The following ANO3 variants were observed in gnomAD, a reference collection of about 807,000 sequenced individuals.
ANO3 encodes anoctamin-3.
A neutral mutation model predicts 144.8 loss-of-function variants in ANO3; 99 were observed. The ratio of observed to expected loss-of-function variants is 0.68; its 90% CI spans 0.58 to 0.81. The LOEUF (loss-of-function observed/expected upper bound fraction) is 0.81. ANO3 is among the 30% of genes least tolerant of loss of function. The pLI is 0.00. For synonymous variants in ANO3, 414 were observed against 392.6 expected (o/e 1.05, Z -0.64); for missense variants, 905 against 1,202.2 (o/e 0.75, Z 3.66).
At chr11:26,435,156 T>C (rs1451258858) in intron 1 of ANO3, among the ~76,000 whole-genome samples, 1 of 152,202 alleles carries the variant, frequency 6.6e-6, no homozygotes, top group African/African-American at 2.4e-5. Flanking sequence ...TTGAATTCTT[T>C]ACCATTATGT....
intron 18 of ANO3, among the ~76,000 whole-genome samples, chr11:26,629,992 A>AT (rs1852724806): frequency 6.6e-6 from 1 of 152,182 alleles, no homozygotes; most frequent in Non-Finnish European, 1.5e-5. Context: ...TAGTTTGTAG[A>AT]TTTTTACTTG....
At chr11:26,542,788 A>G (rs394787) in intron 11 of ANO3, among the ~76,000 whole-genome samples, 148,871 of 152,084 alleles carry the variant, frequency 0.98, 72,944 homozygotes, top group East Asian at 1. Flanking sequence ...TTTTATTTTT[A>G]GAGATCATGA....
upstream of ANO3, among the ~76,000 whole-genome samples, chr11:26,330,459 C>A (rs948771147): frequency 6.6e-6 from 1 of 152,132 alleles, no homozygotes; most frequent in Non-Finnish European, 1.5e-5. Flanking sequence ...TGCCTGCATA[C>A]TGAGCTCTTA....
intron 1 of ANO3, among the ~76,000 whole-genome samples, chr11:26,409,960 TAA>T (rs1857388316): frequency 6.6e-6 from 1 of 152,016 alleles, no homozygotes; most frequent in South Asian, 2.1e-4. Context: ...TACACGATTG[TAA>T]GCTGATTGGA....
intron 1 of ANO3, among the ~76,000 whole-genome samples, chr11:26,348,750 G>A (rs1564976628): frequency 6.6e-6 from 1 of 152,196 alleles, no homozygotes; most frequent in African/African-American, 2.4e-5. Flanking sequence ...AGGTACAAGG[G>A]TTGTGGTAAA....
chr11:26,642,500 C>A (rs1479373551), intron 22 of ANO3, among the ~76,000 whole-genome samples: 1 of 148,906 alleles, frequency 6.7e-6, no homozygotes, highest in Non-Finnish European at 1.5e-5. Flanking sequence ...TACAGGTGCA[C>A]ATGACCATGC....
At chr11:26,633,901 C>T (rs1852863686) in intron 18 of ANO3, among the ~76,000 whole-genome samples, 1 of 151,594 alleles carries the variant, frequency 6.6e-6, no homozygotes, top group Admixed American at 6.6e-5. Context: ...CATGGTGAAA[C>T]CCCCACTTCT....
intron 1 of ANO3, among the ~76,000 whole-genome samples, chr11:26,225,523 C>T (rs1353934420): frequency 6.6e-6 from 1 of 151,138 alleles, no homozygotes; most frequent in Non-Finnish European, 1.5e-5. Flanking sequence ...CATATGACAT[C>T]GATTTTGCAA....
intron 1 of ANO3, among the ~76,000 whole-genome samples, chr11:26,255,080 C>T (rs1853025340): frequency 6.6e-6 from 1 of 152,114 alleles, no homozygotes; most frequent in African/African-American, 2.4e-5. Context: ...TATTATGCTC[C>T]ATTAGGAAGT....
At chr11:26,632,979 C>T (rs910939427) in intron 18 of ANO3, among the ~76,000 whole-genome samples, 1 of 152,212 alleles carries the variant, frequency 6.6e-6, no homozygotes, top group Admixed American at 6.5e-5. Flanking sequence ...CTGAGGCACA[C>T]TTGCCAGTCA....
intron 14 of ANO3, among the ~76,000 whole-genome samples, chr11:26,583,899 T>G (rs1851203176): frequency 6.6e-6 from 1 of 152,184 alleles, no homozygotes; most frequent in African/African-American, 2.4e-5. Context: ...GCTTCAAGTC[T>G]TTAACTGTTC....
At chr11:26,543,475 A>T (rs1396611716) in intron 11 of ANO3, among the ~76,000 whole-genome samples, 5 of 150,554 alleles carry the variant, frequency 3.3e-5, no homozygotes, top group Admixed American at 3.3e-4. Flanking sequence ...TTTTTTAATT[A>T]TATTTTAAGT....
intron 14 of ANO3, among the ~76,000 whole-genome samples, chr11:26,589,396 C>T (rs886125223): frequency 1.3e-5 from 2 of 148,434 alleles, no homozygotes; most frequent in African/African-American, 4.9e-5. Flanking sequence ...GAGAAAAAAC[C>T]TCAGTACCCC....
intron 1 of ANO3, among the ~76,000 whole-genome samples, chr11:26,202,741 G>A (rs1219738567): frequency 1.3e-5 from 2 of 151,984 alleles, no homozygotes; most frequent in African/African-American, 4.8e-5. Context: ...AAAAAAATCA[G>A]TGTTTAATGC....
intron 1 of ANO3, among the ~76,000 whole-genome samples, chr11:26,373,282 G>T (rs1856313649): frequency 1.3e-5 from 2 of 152,264 alleles, no homozygotes; most frequent in South Asian, 4.1e-4. Context: ...GAGGTGAATG[G>T]ATCATGGGGA....
Position 26,656,421 on chromosome 11 carries a change from G to A in ANO3, c.2703G>A (p.Glu901=), listed in dbSNP as rs757448353. ...CGCCCTGGAGTTCCAAACCCTATGA[G>A]TTTACTTTACAATACTGGCATATCC... The part of the protein sequence containing the change: ...RGPPWSSKPY[E]FTLQYWHILA... Residue 901 remains glutamate (E), a synonymous_variant, in exon 26 of 27, where the codon GAG becomes GAA. Coordinates refer to ENST00000256737, the MANE Select transcript of ANO3 (RefSeq NM_031418.4). 3.1e-6 allele frequency: 5 copies of A among 1,612,362 alleles called. No individual in the cohort carries two copies. In the East Asian group the frequency reaches 1.1e-4, roughly 36 times the overall value.
chr11:26,609,699 T>G (rs10835014), intron 17 of ANO3, among the ~76,000 whole-genome samples: 43,974 of 152,030 alleles, frequency 0.29, 6,717 homozygotes, highest in South Asian at 0.46. Flanking sequence ...TGCAATAAAC[T>G]TAGGAATTCA....
At chr11:26,565,454 T>A in intron 14 of ANO3, 3 of 1,613,434 alleles carry the variant, frequency 1.9e-6, no homozygotes, top group Non-Finnish European at 2.5e-6. Context: ...TGGGATGTGC[T>A]GAGATGGGCA....
chr11:26,288,733 A>G (rs2133851104), intron 1 of ANO3, among the ~76,000 whole-genome samples: 1 of 152,244 alleles, frequency 6.6e-6, no homozygotes, highest in Non-Finnish European at 1.5e-5. Flanking sequence ...TAGGAAAGGA[A>G]GTGAGAGGAA....
Sources: gnomAD v4.1 joint callset for allele counts (sites outside exome capture counted in the v4.1 genomes callset) on GRCh38, gnomAD v4.1.1 for gene constraint, MANE v1.5 for transcripts, NCBI Gene and HGNC (gene_info 2026-07-23, HGNC 2026-07-21) for gene names.